Variants in CDC42BPA observed in about 807,000 individuals in gnomAD.
CDC42BPA encodes CDC42 binding protein kinase alpha.
A neutral mutation model predicts 223.5 loss-of-function variants in CDC42BPA; 80 were observed. That is an observed-to-expected ratio of 0.36 (90% CI 0.30 to 0.43). CDC42BPA has a LOEUF of 0.43. Among genes scored for constraint, CDC42BPA ranks in the 20% least tolerant of loss-of-function variants. CDC42BPA has a pLI of 1.00. For missense variants in CDC42BPA, 1,743 were observed against 2,099.9 expected (o/e 0.83, Z 3.32); for synonymous variants, 694 against 718.6 (o/e 0.97, Z 0.55).
intron 8 of CDC42BPA, among the ~76,000 whole-genome samples, chr1:227,143,968 T>C (rs777124062): frequency 6.6e-6 from 1 of 152,156 alleles, no homozygotes; most frequent in East Asian, 1.9e-4. Flanking sequence ...TTATAAAAAA[T>C]TGGTAAGAGA....
chr1:227,115,270 A>G (rs1687592046), intron 12 of CDC42BPA, among the ~76,000 whole-genome samples: 1 of 152,128 alleles, frequency 6.6e-6, no homozygotes, highest in Non-Finnish European at 1.5e-5. Context: ...GCCATCTATT[A>G]TACTGGATTA....
chr1:227,014,463 C>G (rs1396382774), intron 34 of CDC42BPA, among the ~76,000 whole-genome samples: 1 of 151,966 alleles, frequency 6.6e-6, no homozygotes, highest in African/African-American at 2.4e-5. Flanking sequence ...CATTCATAAG[C>G]AAGCAGAGCC....
intron 11 of CDC42BPA, among the ~76,000 whole-genome samples, chr1:227,127,279 C>T (rs1040931062): frequency 1.3e-5 from 2 of 152,086 alleles, no homozygotes; most frequent in African/African-American, 4.8e-5. Flanking sequence ...GACAGCAAAA[C>T]GTTTTAATAT....
intron 34 of CDC42BPA, among the ~76,000 whole-genome samples, chr1:227,014,972 T>C (rs1299784214): frequency 3.3e-5 from 5 of 152,168 alleles, no homozygotes; most frequent in Non-Finnish European, 7.3e-5. Context: ...TGTACTTTTT[T>C]TTCTTTTTTT....
At chr1:227,081,570 A>G (rs1381211095) in intron 16 of CDC42BPA, among the ~76,000 whole-genome samples, 1 of 151,702 alleles carries the variant, frequency 6.6e-6, no homozygotes, top group Middle Eastern at 3.4e-3. Flanking sequence ...CTCCTGTCTC[A>G]GCCTCCCCAG....
At chr1:227,019,037 C>A (rs1394246994) in intron 32 of CDC42BPA, among the ~76,000 whole-genome samples, 1 of 152,142 alleles carries the variant, frequency 6.6e-6, no homozygotes, top group Non-Finnish European at 1.5e-5. Context: ...CACACTAACT[C>A]CTCCTTTCAC....
At chr1:227,209,181 G>C (rs61834583) in intron 3 of CDC42BPA, among the ~76,000 whole-genome samples, 86 of 143,524 alleles carry the variant, frequency 6.0e-4, no homozygotes, top group Admixed American at 3.0e-3. Flanking sequence ...GTATAAGAAT[G>C]CTTGTGATTT....
chr1:227,074,111 G>A, intron 18 of CDC42BPA, 99 bp from the exon 19 acceptor site: 1 of 1,428,398 alleles, frequency 7.0e-7, no homozygotes, highest in African/African-American at 1.4e-5. Flanking sequence ...AACTGGAAAA[G>A]ACCCAAACTA....
intron 1 of CDC42BPA, among the ~76,000 whole-genome samples, chr1:227,265,630 T>TAA (rs77731029): frequency 1.5e-5 from 2 of 133,130 alleles, no homozygotes; most frequent in African/African-American, 5.5e-5. Context: ...GACTCCGTCT[T>TAA]AAAAAAAAAA....
Position 226,993,103 on chromosome 1 carries a change from A to T in CDC42BPA, c.*1165T>A, listed in dbSNP as rs1432555254. The T allele has an allele frequency of 1.3e-5, 2 of 152,256 alleles. No homozygotes were observed. The highest frequency in any genetic ancestry group is 2.9e-5 in the Non-Finnish European group (2 of 68,050). The allele number at this position is 152,256 out of a possible 1,614,324, so 9.4% of individuals were successfully genotyped here. A position where few individuals can be genotyped will look rare whatever the true frequency, so the allele number is the denominator to read the frequency against. ...GAAGAAGCCCACGCCCACTCTCAAC[A>T]AAACAGACTCCTCCTTGGGAAGCAT... On this transcript the variant is annotated 3_prime_UTR_variant, in exon 37 of 37. Transcript: ENST00000366766.
chr1:227,086,587 CTTAT>C (rs1315625940), intron 16 of CDC42BPA, among the ~76,000 whole-genome samples: 3 of 151,706 alleles, frequency 2.0e-5, no homozygotes, highest in Non-Finnish European at 2.9e-5. Flanking sequence ...TTTTCATGTG[CTTAT>C]TTGTTATTCA....
chr1:227,199,450 C>A, intron 4 of CDC42BPA, 107 bp downstream of exon 4: 2 of 676,770 alleles, frequency 3.0e-6, no homozygotes, highest in Non-Finnish European at 5.0e-6. Flanking sequence ...GTATGAAATG[C>A]ACTTAATTTT....
intron 1 of CDC42BPA, chr1:227,265,263 G>A (rs1414916980): frequency 3.8e-6 from 2 of 529,072 alleles, no homozygotes; most frequent in East Asian, 3.2e-5. Context: ...CTTAGTAGCT[G>A]TGAGACCTTG....
At chr1:227,075,753 T>C (rs1321792144) in intron 17 of CDC42BPA, among the ~76,000 whole-genome samples, 3 of 152,122 alleles carry the variant, frequency 2.0e-5, no homozygotes, top group East Asian at 3.8e-4. Context: ...GATACTTATA[T>C]AGTAACAATA....
At chr1:227,180,194 A>C (rs1046516801) in intron 5 of CDC42BPA, among the ~76,000 whole-genome samples, 4 of 152,144 alleles carry the variant, frequency 2.6e-5, no homozygotes, top group African/African-American at 7.2e-5. Flanking sequence ...TGACAGAGTG[A>C]GATTCCGTCA....
At chr1:226,999,805 T>C (rs985583435) in intron 35 of CDC42BPA, among the ~76,000 whole-genome samples, 1 of 152,018 alleles carries the variant, frequency 6.6e-6, no homozygotes, top group Non-Finnish European at 1.5e-5. Context: ...TACAGGGACA[T>C]GGATGAAGCT....
chr1:227,014,274 C>T (rs1665783336), intron 34 of CDC42BPA, among the ~76,000 whole-genome samples: 1 of 151,958 alleles, frequency 6.6e-6, no homozygotes, highest in Non-Finnish European at 1.5e-5. Flanking sequence ...AGTACTATAT[C>T]AAGATAAGCT....
chr1:227,197,742 C>A (rs1291082872), intron 4 of CDC42BPA, among the ~76,000 whole-genome samples: 1 of 151,998 alleles, frequency 6.6e-6, no homozygotes, highest in Non-Finnish European at 1.5e-5. Context: ...ACAGAATACA[C>A]TGTCATAGTG....
Position 227,266,231 on chromosome 1 carries a change from C to T in CDC42BPA, c.179-12076G>A, listed in dbSNP as rs537755305. On this transcript the variant is annotated intron_variant, in intron 1 of 36. Transcript: ENST00000366766. ...TGAAACTTGCTTTATATTATTTTGA[C>T]CAGTAATAGAAAGGGCCTGAGAGCT... Among the ~76,000 whole-genome samples the T allele has an allele frequency of 5.9e-5, 9 of 152,280 alleles. No individual in the cohort carries two copies. The South Asian group carries it at 1.9e-3, about 32-fold the overall frequency.
Sources: gnomAD v4.1 joint callset for allele counts (sites outside exome capture counted in the v4.1 genomes callset) on GRCh38, gnomAD v4.1.1 for gene constraint, MANE v1.5 for transcripts, NCBI Gene and HGNC (gene_info 2026-07-23, HGNC 2026-07-21) for gene names.